Variants in ZNF33B observed in about 807,000 individuals in gnomAD.
The protein encoded by ZNF33B is zinc finger protein 11b (KOX 2).
In ZNF33B, 29 loss-of-function variants were observed where a neutral mutation model predicts 45.8. The ratio of observed to expected loss-of-function variants is 0.63; its 90% CI spans 0.47 to 0.86. ZNF33B has a LOEUF of 0.86. Ranked by LOEUF, ZNF33B falls within the 40% of genes least tolerant of loss-of-function variation. ZNF33B has a pLI of 0.00. For synonymous variants in ZNF33B, 305 were observed against 307.8 expected, an observed-to-expected ratio of 0.99 and a Z score of 0.10; for missense variants, 831 against 909.9, an observed-to-expected ratio of 0.91 and a Z score of 1.12.
chr10:42,575,260 G>A (rs1147915), intron 1 of ZNF33B, among the ~76,000 whole-genome samples: 3,287 of 152,232 alleles, frequency 0.022, 49 homozygotes, highest in Middle Eastern at 0.044. Flanking sequence ...GTGGCGCGTG[G>A]AGGTGGTTGG....
At position 42,593,907 on chromosome 10, in the gene ZNF33B, T is replaced by C. The variant is rs1274783389; in HGVS notation, c.1043A>G (p.Gln348Arg). ...FWEKSHLTRHQRVHTGEKHFQ... is the reference protein window; with the variant it reads ...FWEKSHLTRHRRVHTGEKHFQ... ...GTGTTTCTCTCCTGTGTGCACCCTCTGATGTCGAGTGAGATGTGACTTCTC... is the reference window on the plus strand; with the variant it reads ...GTGTTTCTCTCCTGTGTGCACCCTCCGATGTCGAGTGAGATGTGACTTCTC... Residue 348 changes from glutamine (Q) to arginine (R), a missense_variant, in exon 5 of 5, where the codon CAG (glutamine) becomes CGG (arginine). Physicochemically the swap from Gln to Arg is conservative, Grantham distance 43. Transcript: ENST00000359467. 1 of 1,614,082 alleles carries C rather than the reference T, an allele frequency of 6.2e-7. No individual in the cohort carries two copies. Among genetic ancestry groups the C allele is most frequent in the South Asian group, 1.1e-5 (1 of 91,080 alleles).
At chr10:42,625,480 T>C (rs771597518) in intron 4 of ZNF33B, among the ~76,000 whole-genome samples, 7 of 151,854 alleles carry the variant, frequency 4.6e-5, no homozygotes, top group Admixed American at 6.6e-5. Flanking sequence ...TGTTTTCTTT[T>C]CTTTTTTTTT....
chr10:42,615,940 C>T (rs775447643), intron 4 of ZNF33B, among the ~76,000 whole-genome samples: 2 of 150,322 alleles, frequency 1.3e-5, no homozygotes, highest in African/African-American at 4.9e-5. Flanking sequence ...AAACAATTGT[C>T]GGCTGGGTGC....
Position 42,593,253 on chromosome 10 carries a change from G to A in ZNF33B, c.1697C>T (p.Ser566Leu). The part of the protein sequence containing the change: ...PECGKFFSHK[S>L]TLSQHYRTHT... ...TGTTCTATAATGTTGAGAGAGGGTT[G>A]ACTTATGGCTAAAGAATTTCCCACA... The change falls in exon 5 of 5, where the codon TCA (serine) becomes TTA (leucine). Residue 566 changes from serine (S) to leucine (L), a missense_variant. Physicochemically the swap from Ser to Leu is moderately radical, Grantham distance 145. Coordinates refer to ENST00000359467, the MANE Select transcript of ZNF33B (RefSeq NM_006955.3). 1.2e-6 allele frequency: 2 copies of A among 1,613,884 alleles called. No homozygotes were observed. The highest frequency in any genetic ancestry group is 8.5e-7 in the Non-Finnish European group (1 of 1,179,976).
chr10:42,601,487 T>G (rs1221397746), intron 4 of ZNF33B, among the ~76,000 whole-genome samples: 1 of 143,730 alleles, frequency 7.0e-6, no homozygotes, highest in East Asian at 2.0e-4. Context: ...TTTTTTTTTT[T>G]TTTTTTGAGA....
intron 4 of ZNF33B, among the ~76,000 whole-genome samples, chr10:42,613,964 G>A (rs1390092506): frequency 2.6e-5 from 4 of 152,180 alleles, no homozygotes; most frequent in Non-Finnish European, 5.9e-5. Flanking sequence ...CAGAAAGAAA[G>A]TGCTCTAAAA....
chr10:42,630,984 T>C (rs975395337), intron 4 of ZNF33B, among the ~76,000 whole-genome samples: 4 of 152,146 alleles, frequency 2.6e-5, no homozygotes, highest in Non-Finnish European at 4.4e-5. Flanking sequence ...CAGCTGCTAT[T>C]ACCCCTGCTG....
chr10:42,606,751 G>GT (rs1417479796), intron 4 of ZNF33B, among the ~76,000 whole-genome samples: 8 of 148,486 alleles, frequency 5.4e-5, no homozygotes, highest in African/African-American at 2.0e-4. Flanking sequence ...ATATACCTAT[G>GT]TAACAAACCT....
At chr10:42,602,169 C>T (rs183810849) in intron 4 of ZNF33B, among the ~76,000 whole-genome samples, 2 of 152,146 alleles carry the variant, frequency 1.3e-5, no homozygotes, top group East Asian at 3.9e-4. Flanking sequence ...TCAGGAGATC[C>T]ACCTGCCTTG....
intron 4 of ZNF33B, among the ~76,000 whole-genome samples, chr10:42,630,454 A>G (rs1156550296): frequency 2.0e-5 from 3 of 152,154 alleles, no homozygotes; most frequent in Non-Finnish European, 4.4e-5. Context: ...AACTTATTGG[A>G]TGTTACTTCA....
chr10:42,623,935 T>C (rs1838695135), intron 4 of ZNF33B, among the ~76,000 whole-genome samples: 1 of 152,040 alleles, frequency 6.6e-6, no homozygotes, highest in Non-Finnish European at 1.5e-5. Context: ...GTTTGTCAAA[T>C]GTCTTAGCTT....
Position 42,594,564 on chromosome 10 carries a change from T to C in ZNF33B, c.386A>G (p.Asp129Gly). 6.2e-7 allele frequency: 1 copy of C among 1,613,506 alleles called. No homozygotes were observed. Among genetic ancestry groups the C allele is most frequent in the Non-Finnish European group, 8.5e-7 (1 of 1,179,742 alleles). Residue 129 changes from aspartate to glycine, a missense_variant, in exon 5 of 5, where the codon GAC becomes GGC. Physicochemically the swap from Asp to Gly is moderately conservative, Grantham distance 94. Transcript: ENST00000359467. ...GNVIGIPFNMDVSSFPSRKMF... is the reference protein window; with the variant it reads ...GNVIGIPFNMGVSSFPSRKMF... ...TTTTCTGGAAGGAAAAGAACTTACGTCCATGTTAAATGGTATTCCTATTAC... is the reference window on the plus strand; with the variant it reads ...TTTTCTGGAAGGAAAAGAACTTACGCCCATGTTAAATGGTATTCCTATTAC...
intron 1 of ZNF33B, among the ~76,000 whole-genome samples, chr10:42,637,867 G>A (rs571287078): frequency 1.3e-5 from 2 of 152,132 alleles, no homozygotes; most frequent in African/African-American, 2.4e-5. Context: ...TGGTCAGGCT[G>A]GTCTCGAATT....
intron 4 of ZNF33B, among the ~76,000 whole-genome samples, chr10:42,615,214 C>G (rs1183945194): frequency 6.6e-6 from 1 of 152,112 alleles, no homozygotes; most frequent in Non-Finnish European, 1.5e-5. Flanking sequence ...CATTCTACTT[C>G]TAAGTATATA....
chr10:42,627,567 C>G (rs1838865216), intron 4 of ZNF33B, among the ~76,000 whole-genome samples: 1 of 152,116 alleles, frequency 6.6e-6, no homozygotes, highest in Non-Finnish European at 1.5e-5. Flanking sequence ...TTCTACTTAA[C>G]AGAGGTTTTA....
intron 4 of ZNF33B, among the ~76,000 whole-genome samples, chr10:42,597,871 T>G (rs1837466004): frequency 6.6e-6 from 1 of 152,224 alleles, no homozygotes; most frequent in Non-Finnish European, 1.5e-5. Context: ...GGCATTTTAA[T>G]GTTTCCTCTG....
chr10:42,575,711 A>ATAT (rs1564486148), intron 1 of ZNF33B, among the ~76,000 whole-genome samples: 13 of 143,556 alleles, frequency 9.1e-5, no homozygotes, highest in African/African-American at 3.3e-4. Flanking sequence ...ACTGCATAAT[A>ATAT]ATATATATAT....
At chr10:42,632,533 T>A in intron 2 of ZNF33B, 94 bp from the exon 3 acceptor site, 1 of 1,467,192 alleles carries the variant, frequency 6.8e-7, no homozygotes. Context: ...TGCTTTATAC[T>A]TTTAGGGAAA....
At position 42,591,208 on chromosome 10, in the gene ZNF33B, C is replaced by A. The variant is rs2132030383; in HGVS notation, c.*1405G>T. ...AATGAGCAATGAAATGACAGTCCAA[C>A]AGCCCTGGGCAGCAACTGGGCTGTA... On this transcript the variant is annotated 3_prime_UTR_variant, in exon 5 of 5. Coordinates refer to ENST00000359467, the MANE Select transcript of ZNF33B (RefSeq NM_006955.3). 1 of 843,696 alleles carries A rather than the reference C, an allele frequency of 1.2e-6. No homozygotes were observed. Among genetic ancestry groups the A allele is most frequent in the Admixed American group, 6.2e-5 (1 of 16,118 alleles). The allele number at this position is 843,696 out of a possible 1,614,324, so 52.3% of individuals were successfully genotyped here.
Sources: allele counts gnomAD v4.1 joint callset (sites outside exome capture counted in the v4.1 genomes callset), GRCh38; gene constraint gnomAD v4.1.1; transcripts MANE v1.5; gene names NCBI Gene and HGNC (gene_info 2026-07-23, HGNC 2026-07-21).